The following TNFSF4 variants were observed in gnomAD, a reference collection of about 807,000 sequenced individuals.
TNFSF4 encodes TNF superfamily member 4.
A neutral mutation model predicts 7.3 loss-of-function variants in TNFSF4; 4 were observed. The ratio of observed to expected loss-of-function variants is 0.55; its 90% CI spans 0.27 to 1.25. The LOEUF (loss-of-function observed/expected upper bound fraction) is 1.25, where lower values mean the gene tolerates loss of function less well. Among genes scored for constraint, TNFSF4 ranks in the 50% most tolerant of loss-of-function variants. TNFSF4 has a pLI of 0.12. For missense variants in TNFSF4, 181 were observed against 208.8 expected (o/e 0.87, Z 0.82); for synonymous variants, 76 against 83.7 (o/e 0.91, Z 0.50).
the TNFSF4 span, among the ~76,000 whole-genome samples, chr1:173,344,140 A>C: frequency 1.3e-5 from 2 of 152,304 alleles, no homozygotes; most frequent in Admixed American, 1.3e-4. Flanking sequence ...AGGCAAAGCT[A>C]AATAAGTCAT....
chr1:173,238,724 ATG>A, the TNFSF4 span, among the ~76,000 whole-genome samples: 1 of 149,338 alleles, frequency 6.7e-6, no homozygotes, highest in Non-Finnish European at 1.5e-5. Context: ...ACCAGTCAGA[ATG>A]GCTATTACTA....
the TNFSF4 span, among the ~76,000 whole-genome samples, chr1:173,356,554 T>C: frequency 6.6e-6 from 1 of 152,254 alleles, no homozygotes; most frequent in East Asian, 1.9e-4. Flanking sequence ...CTTTGATTCT[T>C]GTGCTCAACT....
At chr1:173,241,143 A>C in the TNFSF4 span, among the ~76,000 whole-genome samples, 1 of 152,192 alleles carries the variant, frequency 6.6e-6, no homozygotes, top group Non-Finnish European at 1.5e-5. Context: ...CTTTGTTGGG[A>C]AAGTGAAATA....
the TNFSF4 span, among the ~76,000 whole-genome samples, chr1:173,276,918 A>C: frequency 2.0e-5 from 3 of 152,174 alleles, no homozygotes; most frequent in African/African-American, 4.8e-5. Context: ...ATGCTGTGAT[A>C]GAATTTTCAT....
the TNFSF4 span, among the ~76,000 whole-genome samples, chr1:173,343,420 T>A: frequency 6.6e-6 from 1 of 152,100 alleles, no homozygotes; most frequent in Non-Finnish European, 1.5e-5. Context: ...GTGCAAAGAC[T>A]CTGAGGCAGG....
the TNFSF4 span, among the ~76,000 whole-genome samples, chr1:173,336,255 A>G: frequency 1.2e-4 from 19 of 152,338 alleles, no homozygotes; most frequent in African/African-American, 4.3e-4. Context: ...ACCATTAAAG[A>G]TTTGAAAGAC....
At chr1:173,336,669 T>C in the TNFSF4 span, among the ~76,000 whole-genome samples, 2 of 152,164 alleles carry the variant, frequency 1.3e-5, no homozygotes, top group Non-Finnish European at 2.9e-5. Context: ...GTCCATTACA[T>C]TGATGACATT....
the TNFSF4 span, among the ~76,000 whole-genome samples, chr1:173,381,406 G>A: frequency 6.6e-6 from 1 of 152,218 alleles, no homozygotes; most frequent in Non-Finnish European, 1.5e-5. Context: ...AACCTGTGGA[G>A]TTGGGCAACA....
At chr1:173,390,737 C>CTTTTTTTTT in the TNFSF4 span, among the ~76,000 whole-genome samples, 3 of 131,588 alleles carry the variant, frequency 2.3e-5, no homozygotes, top group Non-Finnish European at 3.1e-5. Context: ...CATTCTGCTT[C>CTTTTTTTTT]TTTTTTTTTT....
the TNFSF4 span, among the ~76,000 whole-genome samples, chr1:173,331,146 A>G: frequency 6.6e-6 from 1 of 152,124 alleles, no homozygotes; most frequent in African/African-American, 2.4e-5. Flanking sequence ...TGGCCTCCCA[A>G]AGTGCTAGGA....
the TNFSF4 span, among the ~76,000 whole-genome samples, chr1:173,349,601 A>G: frequency 1.4e-4 from 22 of 152,210 alleles, no homozygotes; most frequent in Non-Finnish European, 2.9e-4. Context: ...ACAGTGTGGC[A>G]ATGCCTTGGT....
chr1:173,395,039 ATAG>A, the TNFSF4 span, among the ~76,000 whole-genome samples: 2 of 87,086 alleles, frequency 2.3e-5, no homozygotes, highest in Non-Finnish European at 6.0e-5. Flanking sequence ...TAGATAGATG[ATAG>A]ATAGATAGAT....
At chr1:173,333,530 T>A in the TNFSF4 span, among the ~76,000 whole-genome samples, 3 of 151,906 alleles carry the variant, frequency 2.0e-5, no homozygotes, top group African/African-American at 7.3e-5. Context: ...TTAAATGAGA[T>A]CATGAGGATG....
At chr1:173,289,658 G>A in the TNFSF4 span, among the ~76,000 whole-genome samples, 1 of 152,046 alleles carries the variant, frequency 6.6e-6, no homozygotes, top group Non-Finnish European at 1.5e-5. Flanking sequence ...GTGTGTAAAT[G>A]AACACATGAA....
chr1:173,388,023 T>C, the TNFSF4 span, among the ~76,000 whole-genome samples: 1 of 152,220 alleles, frequency 6.6e-6, no homozygotes. Context: ...TCTAAGTCTG[T>C]TTTCTCTTTT....
the TNFSF4 span, among the ~76,000 whole-genome samples, chr1:173,380,193 G>T: frequency 3.8e-3 from 574 of 152,300 alleles, 5 homozygotes; most frequent in African/African-American, 0.012. Flanking sequence ...GGGAGACTTT[G>T]CTCTTTTCAC....
chr1:173,286,724 T>TA, the TNFSF4 span, among the ~76,000 whole-genome samples: 5 of 151,914 alleles, frequency 3.3e-5, no homozygotes, highest in Non-Finnish European at 7.4e-5. Flanking sequence ...GCACTAACCA[T>TA]AAAAAAAGAT....
chr1:173,266,329 AT>A, the TNFSF4 span, among the ~76,000 whole-genome samples: 2 of 152,162 alleles, frequency 1.3e-5, no homozygotes, highest in African/African-American at 4.8e-5. Flanking sequence ...GCATATATAT[AT>A]ATACTACACC....
the TNFSF4 span, among the ~76,000 whole-genome samples, chr1:173,351,352 C>G: frequency 6.6e-6 from 1 of 152,196 alleles, no homozygotes; most frequent in Non-Finnish European, 1.5e-5. Context: ...CTATGTTTCT[C>G]TTTGTGTTAT....
Sources: gnomAD v4.1 joint callset for allele counts (sites outside exome capture counted in the v4.1 genomes callset) on GRCh38, gnomAD v4.1.1 for gene constraint, MANE v1.5 for transcripts, NCBI Gene and HGNC (gene_info 2026-07-23, HGNC 2026-07-21) for gene names.